The following TARS3 variants were observed in gnomAD, a reference collection of about 807,000 sequenced individuals.
The protein encoded by TARS3 is threonyl-tRNA synthetase 3, also known as threonine--tRNA ligase 2, cytoplasmic.
TARS3 carries 94 observed loss-of-function variants against 103.5 expected under a neutral mutation model. That is an observed-to-expected ratio of 0.91 (90% CI 0.77 to 1.08). The LOEUF (loss-of-function observed/expected upper bound fraction) is 1.08, where lower values mean the gene tolerates loss of function less well. Among genes scored for constraint, TARS3 ranks in the 50% least tolerant of loss-of-function variants. The pLI is 0.00. For synonymous variants in TARS3, 416 were observed against 355.4 expected (o/e 1.17, Z -1.92); for missense variants, 952 against 995.2 (o/e 0.96, Z 0.58).
At chr15:101,680,642 T>TA (rs1434521123) in intron 12 of TARS3, among the ~76,000 whole-genome samples, 1 of 152,234 alleles carries the variant, frequency 6.6e-6, no homozygotes, top group Non-Finnish European at 1.5e-5. Flanking sequence ...GCTCATTGTT[T>TA]AACTGGGTTG....
rs1021141835 is a variant in TARS3, at chr15:101,702,485, A to G, written c.1075-100T>C. 21 of 1,030,280 alleles carry G rather than the reference A, an allele frequency of 2.0e-5. 1 individual carries two copies. Among genetic ancestry groups the G allele is most frequent in the Middle Eastern group, 4.3e-4 (2 of 4,668 alleles). The allele number at this position is 1,030,280 out of a possible 1,614,324, so 63.8% of individuals were successfully genotyped here. A position where few individuals can be genotyped will look rare whatever the true frequency, so the allele number is the denominator to read the frequency against. On this transcript the variant is annotated intron_variant, in intron 8 of 18. Transcript: ENST00000335968. ...CAATTTTCCACTATCATATCAACAA[A>G]GCAGCCCTGCATGGTGGCTCATGCC...
chr15:101,714,387 C>T (rs12101415), intron 4 of TARS3, among the ~76,000 whole-genome samples: 51,202 of 151,670 alleles, frequency 0.34, 9,695 homozygotes, highest in East Asian at 0.82. Context: ...GCATACTGCT[C>T]GAGCCCAGGA....
intron 15 of TARS3, among the ~76,000 whole-genome samples, chr15:101,670,099 A>G (rs570124376): frequency 5.3e-5 from 8 of 152,368 alleles, no homozygotes; most frequent in African/African-American, 1.9e-4. Flanking sequence ...CATGGCCTGT[A>G]CTTAGGCAGA....
At position 101,659,752 on chromosome 15, in the gene TARS3, C is replaced by T. The variant is rs557537592; in HGVS notation, c.2073-1895G>A. On this transcript the variant is annotated intron_variant, in intron 16 of 18. Transcript: ENST00000335968. ...ATAAACATGTTAACTCATACTCAGGCGGCATACATATTCATACCCATACTT... is the reference window on the plus strand; with the variant it reads ...ATAAACATGTTAACTCATACTCAGGTGGCATACATATTCATACCCATACTT... 5.3e-5 allele frequency among the ~76,000 whole-genome samples: 8 copies of T among 152,308 alleles called. No homozygotes were observed. In the East Asian group the frequency reaches 5.8e-4, roughly 11 times the overall value.
intron 16 of TARS3, among the ~76,000 whole-genome samples, chr15:101,659,187 T>A (rs1897288453): frequency 6.6e-6 from 1 of 152,212 alleles, no homozygotes; most frequent in African/African-American, 2.4e-5. Context: ...ATAAACAGTG[T>A]CCGCTGTGGG....
Position 101,724,168 on chromosome 15 carries a change from ACAGCCGCAGGCTGCACAGGCGGTGGCG to A in TARS3, c.193_219del (p.Arg65_Leu73del). 1 of 1,490,400 alleles carries A rather than the reference ACAGCCGCAGGCTGCACAGGCGGTGGCG, an allele frequency of 6.7e-7. No individual in the cohort carries two copies. The highest frequency in any genetic ancestry group is 8.9e-7 in the Non-Finnish European group (1 of 1,122,534). 92.3% of individuals were successfully genotyped at this position (1,490,400 alleles called of 1,614,324 possible). A position where few individuals can be genotyped will look rare whatever the true frequency, so the allele number is the denominator to read the frequency against. On this transcript the variant is annotated inframe_deletion, in exon 1 of 19. Transcript: ENST00000335968. Reference sequence around the variant, plus strand: ...TGGCGGCTCCGCTCCTCGGCGAGGCACAGCCGCAGGCTGCACAGGCGGTGGCGCAGGTCGCAGTTCTCGGCCCGGAGC... The same window carrying A: ...TGGCGGCTCCGCTCCTCGGCGAGGCACAGGTCGCAGTTCTCGGCCCGGAGC...
intron 4 of TARS3, among the ~76,000 whole-genome samples, chr15:101,713,209 T>C (rs958080507): frequency 6.6e-6 from 1 of 152,118 alleles, no homozygotes; most frequent in East Asian, 1.9e-4. Context: ...CAGGGCTCTG[T>C]AATATAGAAA....
At chr15:101,707,841 TTA>T (rs1899646653) in intron 6 of TARS3, among the ~76,000 whole-genome samples, 1 of 152,232 alleles carries the variant, frequency 6.6e-6, no homozygotes, top group African/African-American at 2.4e-5. Context: ...ATGGTAAATT[TTA>T]TATGTTATAT....
intron 15 of TARS3, among the ~76,000 whole-genome samples, chr15:101,663,983 C>G (rs914450173): frequency 1.3e-5 from 2 of 152,206 alleles, no homozygotes; most frequent in African/African-American, 4.8e-5. Context: ...ACAGCACACT[C>G]TCATCCACCC....
At chr15:101,665,362 A>G (rs1463166307) in intron 15 of TARS3, among the ~76,000 whole-genome samples, 1 of 152,256 alleles carries the variant, frequency 6.6e-6, no homozygotes, top group African/African-American at 2.4e-5. Flanking sequence ...CAGCATGTGT[A>G]ACAATATTTT....
intron 5 of TARS3, among the ~76,000 whole-genome samples, chr15:101,710,891 G>C (rs1899830964): frequency 6.6e-6 from 1 of 152,294 alleles, no homozygotes; most frequent in Middle Eastern, 3.4e-3. Flanking sequence ...ATGGTGGCGT[G>C]GTGGTGAAGA....
chr15:101,687,183 A>G (rs1342417441), intron 10 of TARS3, among the ~76,000 whole-genome samples: 2 of 151,992 alleles, frequency 1.3e-5, no homozygotes, highest in Non-Finnish European at 2.9e-5. Flanking sequence ...TAAGTGCATC[A>G]CCTGAGGTCA....
intron 15 of TARS3, among the ~76,000 whole-genome samples, chr15:101,666,669 T>G (rs1215735584): frequency 2.0e-5 from 3 of 152,012 alleles, no homozygotes; most frequent in Non-Finnish European, 4.4e-5. Context: ...AATAAAGACA[T>G]TCTCAGATGA....
chr15:101,720,465 T>C (rs1012339450), intron 3 of TARS3, among the ~76,000 whole-genome samples: 2 of 152,202 alleles, frequency 1.3e-5, no homozygotes, highest in African/African-American at 4.8e-5. Context: ...TAAAAACTCA[T>C]GGAAATTACT....
intron 12 of TARS3, among the ~76,000 whole-genome samples, chr15:101,678,927 T>C (rs1337862179): frequency 6.6e-6 from 1 of 152,050 alleles, no homozygotes; most frequent in East Asian, 2.0e-4. Context: ...AAAATTCCTT[T>C]TTCTTTTTTC....
rs920428039 is a variant in TARS3, at chr15:101,666,332, C to T, written c.1968-4516G>A. 9.2e-5 allele frequency among the ~76,000 whole-genome samples: 14 copies of T among 151,760 alleles called. 1 individual carries two copies. The highest frequency in any genetic ancestry group is 2.1e-4 in the Non-Finnish European group (14 of 67,920). On this transcript the variant is annotated intron_variant, in intron 15 of 18. Coordinates refer to ENST00000335968, the MANE Select transcript of TARS3 (RefSeq NM_152334.3). ...CTCCACTAAAAATACAAAGTTTAGC[C>T]AGGCATGGTGGTGCATGCCTATAGT...
At chr15:101,680,425 GCAAAA>G (rs1011267458) in intron 12 of TARS3, among the ~76,000 whole-genome samples, 21 of 152,258 alleles carry the variant, frequency 1.4e-4, no homozygotes, top group Admixed American at 3.3e-4. Context: ...AATATATGTG[GCAAAA>G]CAAAACAAAA....
At chr15:101,672,382 G>C (rs898794287) in intron 13 of TARS3, among the ~76,000 whole-genome samples, 10 of 152,130 alleles carry the variant, frequency 6.6e-5, no homozygotes, top group African/African-American at 2.4e-4. Flanking sequence ...ATTTCCCAGA[G>C]TCTTCCAGTA....
At chr15:101,687,908 G>C (rs879515307) in intron 10 of TARS3, among the ~76,000 whole-genome samples, 3 of 152,080 alleles carry the variant, frequency 2.0e-5, no homozygotes, top group African/African-American at 4.8e-5. Context: ...ACCTGGAAGA[G>C]GGCCCTCACC....
Sources: allele counts gnomAD v4.1 joint callset (sites outside exome capture counted in the v4.1 genomes callset), GRCh38; gene constraint gnomAD v4.1.1; transcripts MANE v1.5; gene names NCBI Gene and HGNC (gene_info 2026-07-23, HGNC 2026-07-21).